ACTR2: variants seen among roughly 807,000 people sequenced by gnomAD.
The protein encoded by ACTR2 is actin-related protein 2.
Under a neutral mutation model 50.2 loss-of-function variants are expected in ACTR2, and 5 were observed. The ratio of observed to expected loss-of-function variants is 0.10; its 90% CI spans 0.05 to 0.21. ACTR2 has a LOEUF of 0.21. Ranked by LOEUF, ACTR2 falls within the 10% of genes least tolerant of loss-of-function variation. ACTR2 has a pLI of 1.00. For synonymous variants in ACTR2, 140 were observed against 162.9 expected (o/e 0.86, Z 1.07); for missense variants, 180 against 480.6 (o/e 0.37, Z 5.85).
At chr2:65,235,034 G>A (rs1490415322) in intron 1 of ACTR2, among the ~76,000 whole-genome samples, 2 of 152,108 alleles carry the variant, frequency 1.3e-5, no homozygotes, top group African/African-American at 4.8e-5. Context: ...CATGACAGAT[G>A]TTATACAGAA....
intron 8 of ACTR2, 123 bp from the exon 9 acceptor site, chr2:65,268,441 G>A (rs201405197): frequency 1.3e-5 from 8 of 625,580 alleles, no homozygotes; most frequent in Middle Eastern, 2.9e-4. Context: ...CAAATATTAC[G>A]TTCTACTTAT....
At chr2:65,234,242 T>G (rs956337765) in intron 1 of ACTR2, among the ~76,000 whole-genome samples, 4 of 152,210 alleles carry the variant, frequency 2.6e-5, no homozygotes, top group Non-Finnish European at 5.9e-5. Context: ...TTATAACTGT[T>G]AATGTTTTCA....
At chr2:65,248,112 A>G (rs1042241973) in intron 3 of ACTR2, among the ~76,000 whole-genome samples, 1 of 152,118 alleles carries the variant, frequency 6.6e-6, no homozygotes, top group African/African-American at 2.4e-5. Flanking sequence ...CTAATTAGGA[A>G]TTGGGCGGCT....
chr2:65,248,942 G>A (rs906912506), intron 3 of ACTR2, among the ~76,000 whole-genome samples: 9 of 152,128 alleles, frequency 5.9e-5, no homozygotes, highest in African/African-American at 1.9e-4. Flanking sequence ...GAACCCAGGA[G>A]GTGGAGGTTG....
intron 3 of ACTR2, among the ~76,000 whole-genome samples, chr2:65,248,747 C>T (rs374685544): frequency 1.6e-4 from 24 of 152,086 alleles, no homozygotes; most frequent in African/African-American, 2.4e-4. Flanking sequence ...TTATTGAGGC[C>T]GGGCTAGGTG....
At chr2:65,250,140 G>A (rs1338243621) in intron 3 of ACTR2, among the ~76,000 whole-genome samples, 3 of 152,012 alleles carry the variant, frequency 2.0e-5, no homozygotes, top group African/African-American at 4.8e-5. Context: ...CGAGGCAGGC[G>A]GATCATGAGG....
chr2:65,230,403 ATTTTTTTTTTTTT>A (rs11299935), intron 1 of ACTR2, among the ~76,000 whole-genome samples: 11 of 78,180 alleles, frequency 1.4e-4, no homozygotes, highest in African/African-American at 2.8e-4. Flanking sequence ...ACCGAAGCTG[ATTTTTTTTTTTTT>A]TTTTTTTTTT....
intron 6 of ACTR2, 72 bp from the exon 7 acceptor site, chr2:65,261,175 A>T: frequency 6.8e-7 from 1 of 1,463,940 alleles, no homozygotes; most frequent in Non-Finnish European, 9.5e-7. Flanking sequence ...ATTTATAAGT[A>T]CTAGTGTTCC....
chr2:65,252,282 A>G (rs928295723), intron 4 of ACTR2, among the ~76,000 whole-genome samples: 1 of 151,554 alleles, frequency 6.6e-6, no homozygotes, highest in Non-Finnish European at 1.5e-5. Flanking sequence ...AGAGTACAAC[A>G]TTCAAGGGCT....
In ACTR2 at chr2:65,227,971, G is replaced by A; in HGVS notation, c.48+14G>A. ...AACGGCACCGGGGTAAGGGCCGCGCGAGGAGGCCTTGGCGGCCACAGACGC... is the reference window on the plus strand; with the variant it reads ...AACGGCACCGGGGTAAGGGCCGCGCAAGGAGGCCTTGGCGGCCACAGACGC... On this transcript the variant is annotated intron_variant, in intron 1 of 8. Transcript: ENST00000260641. 6.7e-7 allele frequency: 1 copy of A among 1,501,874 alleles called. No individual in the cohort carries two copies. 93.0% of individuals were successfully genotyped at this position (1,501,874 alleles called of 1,614,324 possible).
intron 6 of ACTR2, among the ~76,000 whole-genome samples, chr2:65,260,279 G>A (rs944612654): frequency 6.6e-6 from 1 of 152,148 alleles, no homozygotes; most frequent in African/African-American, 2.4e-5. Flanking sequence ...AGGTTGAGGC[G>A]AGCAGATCAC....
chr2:65,229,750 CAAAAAA>C (rs57953942), intron 1 of ACTR2, among the ~76,000 whole-genome samples: 20 of 54,044 alleles, frequency 3.7e-4, no homozygotes, highest in South Asian at 6.4e-4. Flanking sequence ...GACTCCGTCT[CAAAAAA>C]AAAAAAAAAA....
intron 1 of ACTR2, among the ~76,000 whole-genome samples, chr2:65,235,584 T>G (rs1671723923): frequency 6.6e-6 from 1 of 152,054 alleles, no homozygotes; most frequent in South Asian, 2.1e-4. Flanking sequence ...GTGAAACCCC[T>G]TCTCTACTAA....
chr2:65,265,879 T>C (rs1036837419), intron 8 of ACTR2, among the ~76,000 whole-genome samples: 7 of 152,250 alleles, frequency 4.6e-5, no homozygotes, highest in African/African-American at 1.7e-4. Context: ...TCAACTGTTT[T>C]AGATAATGAG....
At chr2:65,231,371 C>A (rs1671635150) in intron 1 of ACTR2, among the ~76,000 whole-genome samples, 2 of 152,022 alleles carry the variant, frequency 1.3e-5, no homozygotes, top group South Asian at 2.1e-4. Context: ...CTGTTTCTTA[C>A]CATTTGTAGA....
intron 8 of ACTR2, among the ~76,000 whole-genome samples, chr2:65,267,651 C>A (rs908883031): frequency 2.0e-5 from 3 of 152,002 alleles, no homozygotes; most frequent in African/African-American, 7.2e-5. Flanking sequence ...TTCCCAATTG[C>A]CTTTAATTTT....
At chr2:65,238,844 T>C (rs994493186) in intron 1 of ACTR2, among the ~76,000 whole-genome samples, 5 of 151,878 alleles carry the variant, frequency 3.3e-5, no homozygotes, top group Admixed American at 2.6e-4. Context: ...GGTGGGTGCC[T>C]GTAATCCCAG....
intron 3 of ACTR2, among the ~76,000 whole-genome samples, chr2:65,248,275 C>T (rs563020029): frequency 2.0e-5 from 3 of 152,274 alleles, no homozygotes; most frequent in African/African-American, 4.8e-5. Context: ...TGGTGCGTGC[C>T]TGTAATCCCA....
chr2:65,241,002 G>GTT (rs1344411758), intron 2 of ACTR2, among the ~76,000 whole-genome samples: 1 of 146,942 alleles, frequency 6.8e-6, no homozygotes, highest in African/African-American at 2.5e-5. Context: ...TTCTGTGTTA[G>GTT]TTTTTTTTTT....
Sources: gnomAD v4.1 joint callset for allele counts (sites outside exome capture counted in the v4.1 genomes callset) on GRCh38, gnomAD v4.1.1 for gene constraint, MANE v1.5 for transcripts, NCBI Gene and HGNC (gene_info 2026-07-23, HGNC 2026-07-21) for gene names.